MUSK: variants seen among roughly 807,000 people sequenced by gnomAD.
MUSK encodes muscle, skeletal receptor tyrosine-protein kinase.
Under a neutral mutation model 88.7 loss-of-function variants are expected in MUSK, and 55 were observed. That is an observed-to-expected ratio of 0.62 (90% CI 0.50 to 0.78). MUSK has a LOEUF of 0.78. MUSK is among the 30% of genes least tolerant of loss of function. The pLI, the probability that MUSK is intolerant of heterozygous loss-of-function variation, is 0.00. For synonymous variants in MUSK, 387 were observed against 391.9 expected (o/e 0.99, Z 0.15); for missense variants, 1,015 against 1,074.3 (o/e 0.94, Z 0.77).
intron 3 of MUSK, among the ~76,000 whole-genome samples, chr9:110,694,287 GAGGCAGGACAATGGCATGAA>G (rs1211259107): frequency 6.7e-6 from 1 of 148,546 alleles, no homozygotes; most frequent in Non-Finnish European, 1.5e-5. Context: ...TCGGGAAGCT[GAGGCAGGACAATGGCATGAA>G]CCCGGGAGGC....
chr9:110,689,789 T>A (rs1229841806), intron 3 of MUSK, among the ~76,000 whole-genome samples: 1 of 79,738 alleles, frequency 1.3e-5, no homozygotes, highest in African/African-American at 5.2e-5. Context: ...GTTTATATAT[T>A]TTTTAATATA....
At chr9:110,749,669 C>T (rs1176993696) in intron 7 of MUSK, among the ~76,000 whole-genome samples, 1 of 152,150 alleles carries the variant, frequency 6.6e-6, no homozygotes, top group African/African-American at 2.4e-5. Context: ...TGTCAGGAGG[C>T]TCTTCCAGGT....
chr9:110,719,051 G>A (rs2076779090), intron 5 of MUSK, among the ~76,000 whole-genome samples: 1 of 152,020 alleles, frequency 6.6e-6, no homozygotes, highest in Non-Finnish European at 1.5e-5. Flanking sequence ...CACAAAGCCA[G>A]CACTACAATC....
At position 110,682,636 on chromosome 9, in the gene MUSK, T is replaced by C. The variant is rs2076147751; in HGVS notation, c.80-38T>C. On this transcript the variant is annotated intron_variant, in intron 1 of 14. Coordinates refer to ENST00000374448, the MANE Select transcript of MUSK (RefSeq NM_005592.4). Reference sequence around the variant, plus strand: ...TTAAGGAAGGGTTAGTAAACAAAATTCTAGAATGTTCTCTTTTGATTTCTC... The same window carrying C: ...TTAAGGAAGGGTTAGTAAACAAAATCCTAGAATGTTCTCTTTTGATTTCTC... 1.9e-6 allele frequency: 3 copies of C among 1,603,606 alleles called. No individual in the cohort carries two copies. The East Asian group carries it at 6.7e-5, about 36-fold the overall frequency.
rs2076851615 is a variant in MUSK, at chr9:110,724,061, A to G, written c.629-10190A>G. On this transcript the variant is annotated intron_variant, in intron 5 of 14. Transcript: ENST00000374448. ...TTAATTCTTCACTTGACCTTGTCCA[A>G]GCTTGAGTTTATCATATCTTTTGTG... Among the ~76,000 whole-genome samples the G allele has an allele frequency of 2.0e-5, 3 of 152,102 alleles. No homozygotes were observed. The South Asian group carries it at 6.2e-4, about 32-fold the overall frequency.
chr9:110,751,129 C>T (rs1180163213), intron 7 of MUSK, among the ~76,000 whole-genome samples: 1 of 152,124 alleles, frequency 6.6e-6, no homozygotes, highest in East Asian at 1.9e-4. Context: ...AGATTCATCC[C>T]ATGGACACAA....
At chr9:110,671,487 G>T (rs1343339690) in intron 1 of MUSK, among the ~76,000 whole-genome samples, 2 of 152,090 alleles carry the variant, frequency 1.3e-5, no homozygotes, top group Admixed American at 1.3e-4. Flanking sequence ...AAAGTATTCA[G>T]TGGATTATTT....
At chr9:110,675,807 C>T (rs1043087604) in intron 1 of MUSK, among the ~76,000 whole-genome samples, 22 of 151,476 alleles carry the variant, frequency 1.5e-4, no homozygotes, top group Middle Eastern at 3.2e-3. Context: ...TGGTCCTCCC[C>T]GCCTCGGCCT....
intron 6 of MUSK, among the ~76,000 whole-genome samples, chr9:110,745,643 TATGATA>T (rs1298504977): frequency 1.3e-5 from 2 of 152,156 alleles, no homozygotes; most frequent in African/African-American, 4.8e-5. Flanking sequence ...TTCTGATAAA[TATGATA>T]ATGATGAGTT....
intron 7 of MUSK, among the ~76,000 whole-genome samples, chr9:110,748,318 C>T (rs1336751473): frequency 6.6e-6 from 1 of 151,948 alleles, no homozygotes; most frequent in Non-Finnish European, 1.5e-5. Context: ...AGTTGGCAGA[C>T]ATTCAACATG....
At chr9:110,698,082 C>T (rs938588811) in intron 5 of MUSK, among the ~76,000 whole-genome samples, 5 of 152,280 alleles carry the variant, frequency 3.3e-5, no homozygotes, top group Admixed American at 3.3e-4. Context: ...TCTAGGTGTT[C>T]TATTTGCTTG....
At chr9:110,774,129 T>C (rs1351783752) in intron 9 of MUSK, among the ~76,000 whole-genome samples, 1 of 152,194 alleles carries the variant, frequency 6.6e-6, no homozygotes, top group African/African-American at 2.4e-5. Flanking sequence ...TTGCTCCACC[T>C]TATCAGTTAT....
intron 3 of MUSK, among the ~76,000 whole-genome samples, chr9:110,690,363 T>C (rs1488749645): frequency 1.8e-5 from 2 of 109,968 alleles, no homozygotes; most frequent in Non-Finnish European, 3.3e-5. Context: ...AATATAAGTA[T>C]ATACATAAAT....
intron 6 of MUSK, among the ~76,000 whole-genome samples, chr9:110,744,157 C>G (rs1158328514): frequency 6.6e-6 from 1 of 152,078 alleles, no homozygotes; most frequent in Non-Finnish European, 1.5e-5. Context: ...TTAGTAGAGA[C>G]AGGGTTTCAC....
chr9:110,697,502 C>T (rs1357654216), intron 5 of MUSK, 36 bp downstream of exon 5: 3 of 1,593,028 alleles, frequency 1.9e-6, no homozygotes, highest in Non-Finnish European at 1.7e-6. Flanking sequence ...ACTGTGTGAC[C>T]AGGGGCCTCA....
chr9:110,777,375 C>T (rs184888761), intron 11 of MUSK, among the ~76,000 whole-genome samples: 3 of 152,244 alleles, frequency 2.0e-5, no homozygotes, highest in African/African-American at 7.2e-5. Flanking sequence ...CTAATCTCCT[C>T]TGCATTTGAC....
intron 5 of MUSK, among the ~76,000 whole-genome samples, chr9:110,731,046 T>C (rs753135059): frequency 6.6e-6 from 1 of 152,026 alleles, no homozygotes; most frequent in Non-Finnish European, 1.5e-5. Flanking sequence ...ACATAACATA[T>C]CCAAGTCCCT....
intron 5 of MUSK, among the ~76,000 whole-genome samples, chr9:110,718,934 C>T (rs1296343134): frequency 2.0e-5 from 3 of 152,008 alleles, no homozygotes; most frequent in Non-Finnish European, 2.9e-5. Flanking sequence ...TATTTTTAGC[C>T]TCCTAAAACA....
Position 110,762,225 on chromosome 9 carries a change from G to T in MUSK, c.920+17G>T. 7.1e-7 allele frequency: 1 copy of T among 1,413,058 alleles called. No homozygotes were observed. The highest frequency in any genetic ancestry group is 9.3e-7 in the Non-Finnish European group (1 of 1,076,820). The allele number at this position is 1,413,058 out of a possible 1,614,324, so 87.5% of individuals were successfully genotyped here. A position where few individuals can be genotyped will look rare whatever the true frequency, so the allele number is the denominator to read the frequency against. ...AGAATGGAGGTAAGAAACTGTTATT[G>T]TAACAATTGTTTCCAATGTTTTGTT... is the stretch of plus-strand genomic sequence containing the variant. On this transcript the variant is annotated intron_variant, in intron 8 of 14. Transcript: ENST00000374448.
Sources: gnomAD v4.1 joint callset for allele counts (sites outside exome capture counted in the v4.1 genomes callset) on GRCh38, gnomAD v4.1.1 for gene constraint, MANE v1.5 for transcripts, NCBI Gene and HGNC (gene_info 2026-07-23, HGNC 2026-07-21) for gene names.